SMC6: variants seen among roughly 807,000 people sequenced by gnomAD.
SMC6 encodes structural maintenance of chromosomes protein 6.
SMC6 carries 79 observed loss-of-function variants against 142.2 expected under a neutral mutation model. That is an observed-to-expected ratio of 0.56 (90% CI 0.46 to 0.67). The LOEUF (loss-of-function observed/expected upper bound fraction) is 0.67. Ranked by LOEUF, SMC6 falls within the 30% of genes least tolerant of loss-of-function variation. SMC6 has a pLI of 0.00. For missense variants in SMC6, 1,072 were observed against 1,284.0 expected, an observed-to-expected ratio of 0.83 and a Z score of 2.52; for synonymous variants, 411 against 412.4, an observed-to-expected ratio of 1.00 and a Z score of 0.04.
At chr2:17,728,302 G>A (rs985850523) in intron 7 of SMC6, among the ~76,000 whole-genome samples, 1 of 152,148 alleles carries the variant, frequency 6.6e-6, no homozygotes, top group African/African-American at 2.4e-5. Context: ...CGGGTGTAAT[G>A]GTACCCGCCT....
chr2:17,703,117 GA>G, intron 19 of SMC6, 39 bp downstream of exon 19: 8 of 1,228,230 alleles, frequency 6.5e-6, no homozygotes, highest in Non-Finnish European at 7.8e-6. Flanking sequence ...GTAGTAAGTT[GA>G]AAAAAACAAA....
chr2:17,740,672 T>C (rs1009418246), intron 4 of SMC6: 16 of 418,558 alleles, frequency 3.8e-5, no homozygotes, highest in Non-Finnish European at 7.1e-5. Context: ...CTGGCCAACA[T>C]GGTGAAACCC....
chr2:17,671,763 A>G (rs1666775930), intron 25 of SMC6, among the ~76,000 whole-genome samples: 1 of 151,974 alleles, frequency 6.6e-6, no homozygotes, highest in Non-Finnish European at 1.5e-5. Context: ...CATGGAAACA[A>G]TAAGAAAGCA....
intron 22 of SMC6, among the ~76,000 whole-genome samples, chr2:17,695,573 T>A (rs1356107645): frequency 6.6e-6 from 1 of 152,162 alleles, no homozygotes; most frequent in Non-Finnish European, 1.5e-5. Context: ...ATGCAGCAGT[T>A]ACGAAAAGCT....
At chr2:17,666,045 A>G (rs927658885) in intron 27 of SMC6, among the ~76,000 whole-genome samples, 6 of 152,214 alleles carry the variant, frequency 3.9e-5, no homozygotes, top group African/African-American at 1.4e-4. Context: ...AGCAGAGTAG[A>G]GCTCTTTGTT....
chr2:17,680,482 A>C (rs1238026988), intron 24 of SMC6: 2 of 152,172 alleles, frequency 1.3e-5, no homozygotes, highest in Non-Finnish European at 2.9e-5. Flanking sequence ...GCTCAGATCG[A>C]TTAAAGGTAT....
chr2:17,717,680 A>G (rs1395456308), intron 12 of SMC6, among the ~76,000 whole-genome samples: 1 of 150,454 alleles, frequency 6.6e-6, no homozygotes, highest in African/African-American at 2.5e-5. Flanking sequence ...CAGAAAAATA[A>G]TAATTAAAAA....
intron 16 of SMC6, among the ~76,000 whole-genome samples, chr2:17,710,914 T>C (rs930774357): frequency 2.0e-5 from 3 of 152,088 alleles, no homozygotes; most frequent in African/African-American, 7.2e-5. Context: ...TAAATGGCTT[T>C]TTAGGACAGA....
At chr2:17,682,359 A>C (rs1308750911) in intron 24 of SMC6, among the ~76,000 whole-genome samples, 1 of 152,176 alleles carries the variant, frequency 6.6e-6, no homozygotes, top group Non-Finnish European at 1.5e-5. Flanking sequence ...ATTGAACCCC[A>C]CCAATGCCCC....
At chr2:17,727,267 T>C (rs918440899) in intron 7 of SMC6, among the ~76,000 whole-genome samples, 2 of 152,140 alleles carry the variant, frequency 1.3e-5, no homozygotes, top group African/African-American at 4.8e-5. Context: ...ATGGGCACCA[T>C]CTAATTGGCT....
chr2:17,715,178 T>C (rs1243654599), intron 15 of SMC6, 113 bp from the exon 16 acceptor site: 3 of 944,886 alleles, frequency 3.2e-6, no homozygotes, highest in East Asian at 5.3e-5. Context: ...TAAAGCAGTT[T>C]AAATGACTTT....
intron 7 of SMC6, among the ~76,000 whole-genome samples, chr2:17,729,741 TA>T (rs2125041541): frequency 6.6e-6 from 1 of 152,368 alleles, no homozygotes; most frequent in South Asian, 2.1e-4. Flanking sequence ...TTTTAAGAAT[TA>T]TTTTTCCTAA....
chr2:17,716,109 G>C lies in SMC6; in HGVS notation c.1502C>G (p.Thr501Ser). ...ACCTAAAGGGCCTACAGGTTTATAG[G>C]TAAAATGTCCTTGTCTATAAGCATC... The part of the protein sequence containing the change: ...IDDAYRQGHF[T>S]YKPVGPLGAC... Residue 501 changes from threonine to serine, a missense_variant, in exon 15 of 28, where the codon ACC becomes AGC. Physicochemically the swap from Thr to Ser is moderately conservative, Grantham distance 58. This residue lies in a region of SMC6 where 994 missense variants were observed against 1,153.2 expected (regional missense o/e 0.86). Transcript: ENST00000448223. 2 of 1,594,400 alleles carry C rather than the reference G, an allele frequency of 1.3e-6. No homozygotes were observed. Among genetic ancestry groups the C allele is most frequent in the Non-Finnish European group, 1.7e-6 (2 of 1,174,736 alleles).
intron 15 of SMC6, 39 bp downstream of exon 15, chr2:17,716,047 C>T (rs373201330): frequency 4.7e-5 from 65 of 1,393,278 alleles, no homozygotes; most frequent in Non-Finnish European, 1.7e-5. Context: ...AAACTTATTT[C>T]TAAAGTTTAT....
intron 23 of SMC6, among the ~76,000 whole-genome samples, chr2:17,693,949 G>A (rs902493334): frequency 2.2e-5 from 3 of 138,650 alleles, no homozygotes; most frequent in South Asian, 2.2e-4. Flanking sequence ...GCAGTGAGCC[G>A]AGATCACGCC....
At chr2:17,709,518 T>C (rs1225755224) in intron 16 of SMC6, among the ~76,000 whole-genome samples, 1 of 152,198 alleles carries the variant, frequency 6.6e-6, no homozygotes, top group Non-Finnish European at 1.5e-5. Context: ...GTAGCATTCT[T>C]AGTGCTTTCC....
At chr2:17,699,127 C>T (rs1365812276) in intron 21 of SMC6, among the ~76,000 whole-genome samples, 3 of 151,618 alleles carry the variant, frequency 2.0e-5, no homozygotes, top group African/African-American at 7.3e-5. Context: ...ATTTTTTTTC[C>T]TTCCTGATGT....
At chr2:17,728,737 C>T (rs981153462) in intron 7 of SMC6, among the ~76,000 whole-genome samples, 1 of 146,890 alleles carries the variant, frequency 6.8e-6, no homozygotes, top group Non-Finnish European at 1.5e-5. Context: ...GAAAAATATA[C>T]GCCAAGTCAC....
rs970736569 is a variant in SMC6, at chr2:17,716,649, G to T, written c.1346+92C>A. The stretch of plus-strand genomic sequence containing the variant: ...TAAAAAGATCCCTTATTATGTAGAA[G>T]AAACAACCATATTTGCTCTCTTCAT... On this transcript the variant is annotated intron_variant, in intron 14 of 27. Transcript: ENST00000448223. 9 of 1,269,504 alleles carry T rather than the reference G, an allele frequency of 7.1e-6. No homozygotes were observed. The African/African-American group carries it at 1.4e-4, about 19-fold the overall frequency. 78.6% of individuals were successfully genotyped at this position (1,269,504 alleles called of 1,614,324 possible). A position where few individuals can be genotyped will look rare whatever the true frequency, so the allele number is the denominator to read the frequency against.
Sources: allele counts gnomAD v4.1 joint callset (sites outside exome capture counted in the v4.1 genomes callset), GRCh38; gene constraint gnomAD v4.1.1; regional missense constraint gnomAD v4.1.1; transcripts MANE v1.5; gene names NCBI Gene and HGNC (gene_info 2026-07-23, HGNC 2026-07-21).